AGFG2: variants seen among roughly 807,000 people sequenced by gnomAD.
AGFG2 encodes arf-GAP domain and FG repeat-containing protein 2.
In AGFG2, 31 loss-of-function variants were observed where a neutral mutation model predicts 48.0. That is an observed-to-expected ratio of 0.65 (90% CI 0.49 to 0.87). The LOEUF (loss-of-function observed/expected upper bound fraction) is 0.87. Ranked by LOEUF, AGFG2 falls within the 40% of genes least tolerant of loss-of-function variation. The pLI is 0.00. For synonymous variants in AGFG2, 229 were observed against 260.8 expected (o/e 0.88, Z 1.18); for missense variants, 599 against 632.6 (o/e 0.95, Z 0.57).
intron 5 of AGFG2, among the ~76,000 whole-genome samples, chr7:100,555,070 T>C (rs1800729594): frequency 6.6e-6 from 1 of 151,894 alleles, no homozygotes; most frequent in Non-Finnish European, 1.5e-5. Context: ...GGAGTGAACC[T>C]GGAGGCCCTG....
At chr7:100,551,681 C>T (rs946897087) in intron 3 of AGFG2, among the ~76,000 whole-genome samples, 19 of 149,732 alleles carry the variant, frequency 1.3e-4, no homozygotes, top group Admixed American at 3.3e-4. Context: ...GTCAGGAGTT[C>T]GAGACTAGCC....
intron 3 of AGFG2, among the ~76,000 whole-genome samples, chr7:100,551,194 C>T (rs1418708937): frequency 4.7e-5 from 7 of 149,264 alleles, no homozygotes; most frequent in South Asian, 2.1e-4. Flanking sequence ...CTCAGCCTCC[C>T]GAGTAGGTGG....
At chr7:100,560,905 G>A (rs59120146) in intron 6 of AGFG2, among the ~76,000 whole-genome samples, 11,124 of 142,922 alleles carry the variant, frequency 0.078, 506 homozygotes, top group East Asian at 0.14. Flanking sequence ...TCCACCTCCC[G>A]GGTTCACGCC....
At chr7:100,555,239 T>G (rs1436375523) in intron 5 of AGFG2, among the ~76,000 whole-genome samples, 2 of 151,042 alleles carry the variant, frequency 1.3e-5, no homozygotes, top group African/African-American at 2.4e-5. Context: ...ACATTTTCTT[T>G]TCTTTTTCTG....
At chr7:100,555,268 T>G (rs1207946566) in intron 5 of AGFG2, among the ~76,000 whole-genome samples, 1 of 134,054 alleles carries the variant, frequency 7.5e-6, no homozygotes, top group Non-Finnish European at 1.6e-5. Context: ...GTGTGGTTTT[T>G]TTTTTTTTTT....
Position 100,539,411 on chromosome 7 carries a change from C to T in AGFG2, c.65C>T (p.Ala22Val). Residue 22 changes from alanine (A) to valine (V), a missense_variant, in exon 1 of 12, where the codon GCG (alanine) becomes GTG (valine). Transcript: ENST00000300176. The stretch of plus-strand genomic sequence containing the variant: ...GGGGTCAGCGGGGGCAAGGCGGAGG[C>T]GGAGGCGGCCTCGGAGGTGTGGTGC... The part of the protein sequence containing the change: ...GGGVSGGKAE[A>V]EAASEVWCRR... 2 of 1,311,098 alleles carry T rather than the reference C, an allele frequency of 1.5e-6. No individual in the cohort carries two copies. Among genetic ancestry groups the T allele is most frequent in the South Asian group, 2.1e-5 (1 of 46,724 alleles). The allele number at this position is 1,311,098 out of a possible 1,614,324, so 81.2% of individuals were successfully genotyped here. A position where few individuals can be genotyped will look rare whatever the true frequency, so the allele number is the denominator to read the frequency against.
intron 5 of AGFG2, among the ~76,000 whole-genome samples, chr7:100,555,194 T>C (rs1377809933): frequency 6.6e-6 from 1 of 151,740 alleles, no homozygotes; most frequent in South Asian, 2.1e-4. Flanking sequence ...CTTTGGCCTT[T>C]AGAATTAGTA....
chr7:100,547,645 C>A (rs1328354589), intron 1 of AGFG2, among the ~76,000 whole-genome samples: 1 of 152,092 alleles, frequency 6.6e-6, no homozygotes, highest in Non-Finnish European at 1.5e-5. Context: ...TGAGTGGGGA[C>A]AAGGAAGCCT....
chr7:100,553,106 T>C (rs545549992), intron 3 of AGFG2, among the ~76,000 whole-genome samples: 3 of 151,874 alleles, frequency 2.0e-5, no homozygotes, highest in Non-Finnish European at 4.4e-5. Context: ...TGAGCCAACA[T>C]TGCCCCACTG....
intron 3 of AGFG2, among the ~76,000 whole-genome samples, chr7:100,551,077 T>A (rs1800633464): frequency 8.0e-6 from 1 of 125,344 alleles, no homozygotes; most frequent in Non-Finnish European, 1.7e-5. Context: ...TTTCTTTTTT[T>A]TTTTTTTTTT....
intron 1 of AGFG2, among the ~76,000 whole-genome samples, chr7:100,546,722 A>C (rs892434469): frequency 2.0e-5 from 3 of 152,208 alleles, no homozygotes; most frequent in African/African-American, 7.2e-5. Flanking sequence ...TGACATTCTG[A>C]AGGGGAAGGG....
chr7:100,546,406 A>G (rs1584381044), intron 1 of AGFG2, among the ~76,000 whole-genome samples: 1 of 152,040 alleles, frequency 6.6e-6, no homozygotes, highest in Non-Finnish European at 1.5e-5. Flanking sequence ...AATACATTTT[A>G]CCTTCCCCAT....
rs1562797179 is a variant in AGFG2, at chr7:100,564,344, C to T, written c.1386+41C>T. 3 of 1,578,988 alleles carry T rather than the reference C, an allele frequency of 1.9e-6. No homozygotes were observed. In the Admixed American group the frequency reaches 5.3e-5, roughly 28 times the overall value. On this transcript the variant is annotated intron_variant, in intron 11 of 11. Transcript: ENST00000300176. ...GGGGTGCTGTGGTAGGGCTCGTGGG[C>T]TTTCCCTCTGGGACAATCCTTCCAG...
intron 1 of AGFG2, among the ~76,000 whole-genome samples, chr7:100,540,512 G>C (rs1206161391): frequency 6.6e-5 from 10 of 152,044 alleles, no homozygotes; most frequent in Admixed American, 6.6e-4. Context: ...CACAATTCTA[G>C]CCTAGATTTC....
chr7:100,542,996 A>G (rs1347628985), intron 1 of AGFG2, among the ~76,000 whole-genome samples: 1 of 152,238 alleles, frequency 6.6e-6, no homozygotes, highest in African/African-American at 2.4e-5. Flanking sequence ...AAAGCTATGA[A>G]GTAAAATGAA....
intron 6 of AGFG2, among the ~76,000 whole-genome samples, chr7:100,560,579 T>C (rs1410472812): frequency 6.6e-6 from 1 of 152,120 alleles, no homozygotes; most frequent in East Asian, 1.9e-4. Flanking sequence ...AGGAGGAAGC[T>C]GGCAGCCAGC....
chr7:100,546,879 G>GCTT (rs1473303615), intron 1 of AGFG2, among the ~76,000 whole-genome samples: 2 of 152,184 alleles, frequency 1.3e-5, no homozygotes, highest in Non-Finnish European at 2.9e-5. Context: ...GGCAGACCAA[G>GCTT]CTTAAGAGCT....
chr7:100,549,065 C>T, intron 2 of AGFG2, 150 bp downstream of exon 2: 2 of 651,596 alleles, frequency 3.1e-6, no homozygotes, highest in South Asian at 1.9e-5. Context: ...GGTATATTTA[C>T]AGAATCTTTA....
Position 100,562,254 on chromosome 7 carries a change from C to T in AGFG2, c.878-5C>T. ...CTCCCTGTTGTATTTTCCACAACTG[C>T]CCAGGGAGCAGCCAGGGGACTCCAT... On this transcript the variant is annotated splice_region_variant and splice_polypyrimidine_tract_variant and intron_variant, in intron 6 of 11. Transcript: ENST00000300176. This position sits in a 1 kb window ranked among gnomAD's most constrained non-coding sequence, Gnocchi z 5.4. 6.2e-7 allele frequency: 1 copy of T among 1,613,326 alleles called. No individual in the cohort carries two copies. The highest frequency in any genetic ancestry group is 8.5e-7 in the Non-Finnish European group (1 of 1,179,612).
Sources: gnomAD v4.1 joint callset for allele counts (sites outside exome capture counted in the v4.1 genomes callset) on GRCh38, gnomAD v4.1.1 for gene constraint, Gnocchi (gnomAD v3.1) non-coding constraint, MANE v1.5 for transcripts, NCBI Gene and HGNC (gene_info 2026-07-23, HGNC 2026-07-21) for gene names.